RBKS: variants seen among roughly 807,000 people sequenced by gnomAD.
The protein encoded by RBKS is ribokinase.
In RBKS, 33 loss-of-function variants were observed where a neutral mutation model predicts 33.9. That is an observed-to-expected ratio of 0.97 (90% CI 0.74 to 1.30). The LOEUF (loss-of-function observed/expected upper bound fraction) is 1.30. RBKS is among the 50% of genes most tolerant of loss of function. The probability of loss-of-function intolerance (pLI) is 0.00; values close to 1 mark genes in which losing one functional copy is unlikely to be tolerated. For missense variants in RBKS, 361 were observed against 392.6 expected (o/e 0.92, Z 0.68); for synonymous variants, 125 against 143.0 (o/e 0.87, Z 0.90).
intron 7 of RBKS, among the ~76,000 whole-genome samples, chr2:27,790,489 C>A (rs1677501657): frequency 6.6e-6 from 1 of 151,954 alleles, no homozygotes; most frequent in Non-Finnish European, 1.5e-5. Context: ...AAAAGAATAT[C>A]AAAAGATAAG....
intron 2 of RBKS, among the ~76,000 whole-genome samples, chr2:27,854,456 C>T (rs995655434): frequency 9.2e-5 from 14 of 152,164 alleles, no homozygotes; most frequent in Non-Finnish European, 1.3e-4. Context: ...GCAATGAAGA[C>T]GCTGGCTGAA....
At chr2:27,806,832 C>T (rs567571497) in intron 7 of RBKS, among the ~76,000 whole-genome samples, 1 of 152,328 alleles carries the variant, frequency 6.6e-6, no homozygotes, top group East Asian at 1.9e-4. Context: ...TGCTGGGCTC[C>T]ATCCCCAAAG....
rs138653876 is a variant in RBKS at position 27,855,394 on chromosome 2, G to A, written c.222+3045C>T. 1.6e-3 allele frequency among the ~76,000 whole-genome samples: 240 copies of A among 152,310 alleles called. 1 individual carries two copies. The highest frequency in any genetic ancestry group is 4.4e-3 in the Admixed American group (67 of 15,296). The stretch of plus-strand genomic sequence containing the variant: ...GGGTTCATACCTGCTCATGGTTTCT[G>A]TGCTCATACTGGGCCAGTGCATCTT... On this transcript the variant is annotated intron_variant, in intron 2 of 7. Transcript: ENST00000302188.
intron 4 of RBKS, 56 bp from the exon 5 acceptor site, chr2:27,843,287 T>C: frequency 1.5e-6 from 2 of 1,346,806 alleles, no homozygotes; most frequent in Non-Finnish European, 2.1e-6. Flanking sequence ...GCAAATGATA[T>C]TCTGCAGTGT....
intron 1 of RBKS, among the ~76,000 whole-genome samples, chr2:27,863,390 T>G: frequency 6.6e-6 from 1 of 152,234 alleles, no homozygotes; most frequent in Non-Finnish European, 1.5e-5. Context: ...TGAACCAGCT[T>G]CTTCTCTTGC....
rs1678443982 is a variant in RBKS at position 27,832,718 on chromosome 2, G to A, written c.574C>T (p.Leu192Phe). The change falls in exon 6 of 8, where the codon CTC becomes TTC. Residue 192 changes from leucine to phenylalanine, a missense_variant. By Grantham distance (22) the Leu-to-Phe change is conservative. Coordinates refer to ENST00000302188, the MANE Select transcript of RBKS (RefSeq NM_022128.3). ...IADLDPQFYT[L>F]SDVFCCNESE... ...TCATTGCAGCAGAACACATCTGAGA[G>A]GGTGTAGAACTGGGGATCCAGGTCA... 1.9e-6 allele frequency: 3 copies of A among 1,613,290 alleles called. No individual in the cohort carries two copies. The highest frequency in any genetic ancestry group is 1.7e-6 in the Non-Finnish European group (2 of 1,179,248).
intron 7 of RBKS, among the ~76,000 whole-genome samples, chr2:27,785,120 TAAG>T (rs1344973618): frequency 5.3e-5 from 8 of 151,968 alleles, no homozygotes; most frequent in Admixed American, 2.6e-4. Flanking sequence ...AGTAAAATAA[TAAG>T]ATGAAAATTT....
chr2:27,782,756 C>T, intron 7 of RBKS: 1 of 316,654 alleles, frequency 3.2e-6, no homozygotes, highest in South Asian at 2.6e-5. Flanking sequence ...ATGTTGTACT[C>T]TTTGTTTCTT....
At chr2:27,853,454 T>G (rs1406342031) in intron 2 of RBKS, among the ~76,000 whole-genome samples, 1 of 148,470 alleles carries the variant, frequency 6.7e-6, no homozygotes, top group Non-Finnish European at 1.5e-5. Context: ...AGCTCAGGAG[T>G]TTGAGACCAG....
intron 7 of RBKS, among the ~76,000 whole-genome samples, chr2:27,822,484 G>A (rs532950194): frequency 6.6e-5 from 10 of 152,252 alleles, no homozygotes; most frequent in Non-Finnish European, 1.3e-4. Context: ...GGATGGCCGC[G>A]GGCCAGACCC....
intron 1 of RBKS, among the ~76,000 whole-genome samples, chr2:27,880,749 A>G (rs1664402542): frequency 6.6e-6 from 1 of 152,168 alleles, no homozygotes; most frequent in Admixed American, 6.5e-5. Context: ...CAAAATATTG[A>G]TTGAAGAAAT....
At chr2:27,800,426 T>G (rs1332153866) in intron 7 of RBKS, among the ~76,000 whole-genome samples, 1 of 152,140 alleles carries the variant, frequency 6.6e-6, no homozygotes, top group Non-Finnish European at 1.5e-5. Flanking sequence ...TCACTCAGCT[T>G]TTCTGTGGGT....
chr2:27,826,290 A>G (rs554632251), intron 7 of RBKS, among the ~76,000 whole-genome samples: 1 of 152,370 alleles, frequency 6.6e-6, no homozygotes, highest in African/African-American at 2.4e-5. Context: ...ATAAAAACAA[A>G]CCAAAACATA....
In RBKS at chr2:27,831,274, A is replaced by G. The variant is rs187955046; in HGVS notation, c.606+1412T>C. 1.1e-3 allele frequency among the ~76,000 whole-genome samples: 166 copies of G among 150,242 alleles called. 1 individual carries two copies. The highest frequency in any genetic ancestry group is 2.3e-3 in the South Asian group (11 of 4,766). On this transcript the variant is annotated intron_variant, in intron 6 of 7. Transcript: ENST00000302188. ...ATAGCCATCAGGGATACAACAGTGA[A>G]TAAGACAGATGTCTCTGACCTCATG...
intron 2 of RBKS, among the ~76,000 whole-genome samples, chr2:27,856,789 A>G (rs1663865999): frequency 6.6e-6 from 1 of 152,162 alleles, no homozygotes. Context: ...TCCTCTTTCC[A>G]GTTCCCAGGT....
At chr2:27,817,838 A>C (rs1445035033) in intron 7 of RBKS, among the ~76,000 whole-genome samples, 1 of 152,230 alleles carries the variant, frequency 6.6e-6, no homozygotes, top group Non-Finnish European at 1.5e-5. Context: ...AGCCCCTTAT[A>C]AAATCATCAG....
chr2:27,781,468 T>C lies in RBKS; in HGVS notation c.*147A>G. On this transcript the variant is annotated 3_prime_UTR_variant, in exon 8 of 8. Coordinates refer to ENST00000302188, the MANE Select transcript of RBKS (RefSeq NM_022128.3). ...AAAGCAAAAGAATCATCGTTATAAA[T>C]AAATTGAAGCTTGAGGATGACTTCG... 1 of 626,774 alleles carries C rather than the reference T, an allele frequency of 1.6e-6. No homozygotes were observed. Among genetic ancestry groups the C allele is most frequent in the Non-Finnish European group, 2.7e-6 (1 of 373,158 alleles). 38.8% of individuals were successfully genotyped at this position (626,774 alleles called of 1,614,324 possible).
chr2:27,829,603 G>A (rs1381778376), intron 6 of RBKS, among the ~76,000 whole-genome samples: 3 of 151,972 alleles, frequency 2.0e-5, no homozygotes, highest in African/African-American at 4.8e-5. Flanking sequence ...TCCTGACCTC[G>A]TGATCCACCT....
chr2:27,874,476 T>A (rs1014285890), intron 1 of RBKS, among the ~76,000 whole-genome samples: 8 of 152,206 alleles, frequency 5.3e-5, no homozygotes, highest in African/African-American at 1.9e-4. Context: ...AGAACTGATA[T>A]CACTGGACAG....
Sources: allele counts gnomAD v4.1 joint callset (sites outside exome capture counted in the v4.1 genomes callset), GRCh38; gene constraint gnomAD v4.1.1; transcripts MANE v1.5; gene names NCBI Gene and HGNC (gene_info 2026-07-23, HGNC 2026-07-21).